The following ARNT2 variants were observed in gnomAD, a reference collection of about 807,000 sequenced individuals.
ARNT2 encodes the protein aryl hydrocarbon receptor nuclear translocator 2.
ARNT2 carries 36 observed loss-of-function variants against 91.7 expected under a neutral mutation model. That is an observed-to-expected ratio of 0.39 (90% confidence interval 0.30 to 0.52). ARNT2 has a LOEUF of 0.52. Ranked by LOEUF, ARNT2 falls within the 20% of genes least tolerant of loss-of-function variation. The probability of loss-of-function intolerance (pLI) is 0.72; values close to 1 mark genes in which losing one functional copy is unlikely to be tolerated. For missense variants in ARNT2, 775 were observed against 939.3 expected (o/e 0.83, Z 2.29); for synonymous variants, 365 against 347.1 (o/e 1.05, Z -0.57).
intron 5 of ARNT2, among the ~76,000 whole-genome samples, chr15:80,503,958 G>C (rs879357526): frequency 6.6e-6 from 1 of 152,210 alleles, no homozygotes; most frequent in Non-Finnish European, 1.5e-5. Context: ...AGCTGACCAG[G>C]CACAGTCCTA....
chr15:80,579,958 T>G (rs1379421369), intron 15 of ARNT2: 1 of 157,346 alleles, frequency 6.4e-6, no homozygotes, highest in Non-Finnish European at 1.4e-5. Context: ...ACTGACAGCC[T>G]GCAACCTATT....
intron 8 of ARNT2, among the ~76,000 whole-genome samples, chr15:80,535,728 GTTTTT>G (rs200894550): frequency 7.9e-6 from 1 of 127,078 alleles, no homozygotes; most frequent in Non-Finnish European, 1.8e-5. Context: ...CATCACACAG[GTTTTT>G]TTTTTTTTTG....
intron 1 of ARNT2, among the ~76,000 whole-genome samples, chr15:80,419,240 C>T (rs1468327535): frequency 1.3e-5 from 2 of 152,164 alleles, no homozygotes; most frequent in Admixed American, 6.5e-5. Context: ...GGGGTGAGAT[C>T]GGCATTTCTA....
rs553682350 is a variant in ARNT2, at chr15:80,537,261, C to A, written c.878-13938C>A. On this transcript the variant is annotated intron_variant, in intron 8 of 18. Transcript: ENST00000303329. ...CTGTTTGTCTCCTCTGCTTACCTGG[C>A]AGTCCAAGAGGACAAGGACCATATT... 2.6e-5 allele frequency among the ~76,000 whole-genome samples: 4 copies of A among 152,280 alleles called. No individual in the cohort carries two copies. In the South Asian group the frequency reaches 8.3e-4, roughly 32 times the overall value.
chr15:80,558,393 G>A (rs1351042696), intron 11 of ARNT2, among the ~76,000 whole-genome samples: 1 of 144,224 alleles, frequency 6.9e-6, no homozygotes, highest in African/African-American at 2.6e-5. Flanking sequence ...CTGGAGTGCA[G>A]TAGTGGCACA....
intron 8 of ARNT2, among the ~76,000 whole-genome samples, chr15:80,526,544 A>G (rs1393494471): frequency 1.3e-5 from 2 of 152,214 alleles, no homozygotes; most frequent in East Asian, 3.9e-4. Context: ...GTTAACTGGC[A>G]GTGTGTCTGC....
chr15:80,494,746 C>T (rs1897102786), intron 5 of ARNT2, among the ~76,000 whole-genome samples: 1 of 152,186 alleles, frequency 6.6e-6, no homozygotes, highest in East Asian at 1.9e-4. Context: ...GCCCAGTTGT[C>T]GAGGTGGGAG....
chr15:80,441,775 A>G (rs1394343870), intron 1 of ARNT2, among the ~76,000 whole-genome samples: 1 of 152,216 alleles, frequency 6.6e-6, no homozygotes, highest in East Asian at 1.9e-4. Flanking sequence ...TGCATCTGAA[A>G]TGTGAAATAG....
chr15:80,548,822 T>C (rs1441930589), intron 8 of ARNT2, among the ~76,000 whole-genome samples: 1 of 152,114 alleles, frequency 6.6e-6, no homozygotes, highest in Non-Finnish European at 1.5e-5. Flanking sequence ...CTTCAGGAGA[T>C]GTCAGTTCTC....
At chr15:80,427,095 C>A (rs552684163) in intron 1 of ARNT2, among the ~76,000 whole-genome samples, 4 of 152,128 alleles carry the variant, frequency 2.6e-5, no homozygotes, top group Non-Finnish European at 5.9e-5. Flanking sequence ...CGATTCAGTC[C>A]CTACCACCAG....
At chr15:80,468,617 T>G (rs1896690855) in intron 3 of ARNT2, among the ~76,000 whole-genome samples, 1 of 151,492 alleles carries the variant, frequency 6.6e-6, no homozygotes, top group African/African-American at 2.5e-5. Context: ...TCTAGCACCC[T>G]CAGCCCCAGG....
At chr15:80,530,367 G>A (rs1897716807) in intron 8 of ARNT2, among the ~76,000 whole-genome samples, 1 of 152,012 alleles carries the variant, frequency 6.6e-6, no homozygotes, top group Admixed American at 6.6e-5. Context: ...CTGCTTGCTG[G>A]GACTTACTGG....
intron 1 of ARNT2, among the ~76,000 whole-genome samples, chr15:80,414,631 TC>T (rs555481561): frequency 9.2e-4 from 140 of 152,342 alleles, no homozygotes; most frequent in African/African-American, 3.1e-3. Context: ...CATTGATGTT[TC>T]TATCCCATCA....
intron 1 of ARNT2, among the ~76,000 whole-genome samples, chr15:80,423,776 CAGAGAG>C (rs3054951): frequency 1.3e-4 from 20 of 148,614 alleles, no homozygotes; most frequent in Non-Finnish European, 1.9e-4. Context: ...GAGAAAGAGG[CAGAGAG>C]AGAGAGAGAG....
chr15:80,454,524 G>T (rs935418472), intron 2 of ARNT2, among the ~76,000 whole-genome samples: 1 of 152,202 alleles, frequency 6.6e-6, no homozygotes, highest in African/African-American at 2.4e-5. Context: ...CTGGAATGTG[G>T]TCAAATTGCA....
chr15:80,533,064 C>A (rs1206699515), intron 8 of ARNT2, among the ~76,000 whole-genome samples: 1 of 152,202 alleles, frequency 6.6e-6, no homozygotes, highest in Non-Finnish European at 1.5e-5. Flanking sequence ...GAGGGACCGG[C>A]TCCATGGCCA....
At chr15:80,524,086 G>T (rs1897595522) in intron 8 of ARNT2, among the ~76,000 whole-genome samples, 1 of 152,172 alleles carries the variant, frequency 6.6e-6, no homozygotes, top group Non-Finnish European at 1.5e-5. Flanking sequence ...TAACTTAATA[G>T]GGAGAAATGA....
chr15:80,424,336 T>C (rs1431050439), intron 1 of ARNT2, among the ~76,000 whole-genome samples: 1 of 152,246 alleles, frequency 6.6e-6, no homozygotes, highest in South Asian at 2.1e-4. Flanking sequence ...AAGGTACTTT[T>C]GTGTCACAGG....
intron 3 of ARNT2, among the ~76,000 whole-genome samples, chr15:80,460,967 A>G (rs1023745454): frequency 2.0e-5 from 3 of 152,156 alleles, no homozygotes; most frequent in Admixed American, 1.3e-4. Flanking sequence ...GGTGAGGCCA[A>G]GTGCGAGGCT....
Sources: gnomAD v4.1 joint callset for allele counts (sites outside exome capture counted in the v4.1 genomes callset) on GRCh38, gnomAD v4.1.1 for gene constraint, MANE v1.5 for transcripts, NCBI Gene and HGNC (gene_info 2026-07-23, HGNC 2026-07-21) for gene names.